Variants in REPS2 observed in about 807,000 individuals in gnomAD.
The protein encoded by REPS2 is RALBP1 associated Eps domain containing 2.
REPS2 carries 23 observed loss-of-function variants against 53.6 expected under a neutral mutation model. That is an observed-to-expected ratio of 0.43 (90% CI 0.31 to 0.61). REPS2 has a LOEUF of 0.61. REPS2 is among the 20% of genes least tolerant of loss of function. The probability of loss-of-function intolerance (pLI) is 0.11; values close to 1 mark genes in which losing one functional copy is unlikely to be tolerated. For missense variants in REPS2, 446 were observed against 534.9 expected (o/e 0.83, Z 1.64); for synonymous variants, 238 against 218.6 (o/e 1.09, Z -0.78).
intron 13 of REPS2, among the ~76,000 whole-genome samples, chrX:17,094,613 A>G (rs989552333): frequency 8.9e-5 from 10 of 111,940 alleles, no homozygotes; most frequent in Non-Finnish European, 1.9e-4. Flanking sequence ...AGATTTCCTC[A>G]GATTATTTTT....
intron 1 of REPS2, among the ~76,000 whole-genome samples, chrX:16,990,996 G>C (rs2061156175): frequency 9.0e-6 from 1 of 110,754 alleles, no homozygotes; most frequent in Non-Finnish European, 1.9e-5. Context: ...GGAGCCACGT[G>C]GGTCCATGTG....
At chrX:16,958,083 A>G (rs1482221920) in intron 1 of REPS2, among the ~76,000 whole-genome samples, 2 of 112,127 alleles carry the variant, frequency 1.8e-5, no homozygotes, top group Non-Finnish European at 3.8e-5. Flanking sequence ...CCAAGGTCAC[A>G]TAGATAAAAG....
chrX:17,189,793 A>G, the REPS2 span, among the ~76,000 whole-genome samples: 1 of 110,938 alleles, frequency 9.0e-6, no homozygotes, highest in Non-Finnish European at 1.9e-5. Flanking sequence ...TGTAGAGTAG[A>G]ATTGCATTTC....
chrX:17,157,262 G>T (rs1284319057), downstream of REPS2, among the ~76,000 whole-genome samples: 2 of 111,538 alleles, frequency 1.8e-5, no homozygotes, highest in Non-Finnish European at 3.8e-5. Flanking sequence ...GATGCAAGTT[G>T]TCCTCTTTAT....
intron 17 of REPS2, among the ~76,000 whole-genome samples, chrX:17,139,742 C>T (rs1284663788): frequency 1.8e-5 from 2 of 110,939 alleles, no homozygotes; most frequent in African/African-American, 6.6e-5. Context: ...CTTGTAGCTG[C>T]GTCACTCCAA....
At chrX:17,166,972 G>A in the REPS2 span, among the ~76,000 whole-genome samples, 4 of 112,124 alleles carry the variant, frequency 3.6e-5, no homozygotes. Flanking sequence ...GTAAATAGAG[G>A]TAGTGTCATA....
chrX:17,120,707 C>G (rs1472364654), intron 14 of REPS2, among the ~76,000 whole-genome samples: 2 of 111,775 alleles, frequency 1.8e-5, no homozygotes, highest in Non-Finnish European at 3.8e-5. Context: ...TTACCCTCAT[C>G]TGTGACCTTT....
chrX:17,170,509 G>A, the REPS2 span, among the ~76,000 whole-genome samples: 8 of 112,393 alleles, frequency 7.1e-5, no homozygotes, highest in Non-Finnish European at 1.1e-4. Flanking sequence ...AAACACATCC[G>A]AAGGTTCTTT....
Position 17,097,480 on chromosome X carries a change from T to C in REPS2, c.1517-6238T>C, listed in dbSNP as rs148564725. 4.9e-3 allele frequency among the ~76,000 whole-genome samples: 551 copies of C among 111,887 alleles called. 5 individuals are homozygous for C. The highest frequency in any genetic ancestry group is 0.016 in the African/African-American group (504 of 30,802). On this transcript the variant is annotated intron_variant, in intron 13 of 17. Coordinates refer to ENST00000357277, the MANE Select transcript of REPS2 (RefSeq NM_004726.3). ...CTTGGAAAAAATTTATAACCCTAAA[T>C]GCTTACATTAGAAAATAAAAGCTAC...
chrX:17,002,309 T>C (rs1368804445), intron 1 of REPS2, among the ~76,000 whole-genome samples: 1 of 111,384 alleles, frequency 9.0e-6, no homozygotes, highest in Non-Finnish European at 1.9e-5. Context: ...ACTCAGCACA[T>C]TGCTTTTGAT....
At chrX:17,050,145 T>C (rs6629202) in intron 6 of REPS2, among the ~76,000 whole-genome samples, 1,997 of 34,465 alleles carry the variant, frequency 0.058, 113 homozygotes, top group East Asian at 0.2. Context: ...TTTCTTCCTT[T>C]CTTTCTTTCT....
intron 1 of REPS2, among the ~76,000 whole-genome samples, chrX:16,951,000 C>T (rs931276822): frequency 2.7e-5 from 3 of 111,742 alleles, no homozygotes; most frequent in African/African-American, 9.8e-5. Flanking sequence ...GAACTATGAT[C>T]GCACCATTGC....
At chrX:17,013,624 CTGTGTGTGTGTGTGTGTGTGTGTGTG>C (rs10559340) in intron 2 of REPS2, among the ~76,000 whole-genome samples, 2 of 100,173 alleles carry the variant, frequency 2.0e-5, no homozygotes, top group African/African-American at 7.3e-5. Flanking sequence ...GTAGCTGGCT[CTGTGTGTGTGTGTGTGTGTGTGTGTG>C]TGTGTGTGTG....
intron 8 of REPS2, among the ~76,000 whole-genome samples, chrX:17,059,034 G>A (rs1172031683): frequency 5.2e-5 from 5 of 95,364 alleles, no homozygotes; most frequent in Admixed American, 1.2e-4. Context: ...TTTTTGAGAC[G>A]GAGTCTTGCT....
chrX:17,102,231 A>C (rs1009862399), intron 13 of REPS2, among the ~76,000 whole-genome samples: 2 of 110,430 alleles, frequency 1.8e-5, no homozygotes, highest in African/African-American at 6.6e-5. Flanking sequence ...ACAGGTGTGC[A>C]CTACCACGCC....
chrX:17,062,527 A>T lies in REPS2; in HGVS notation c.1204A>T (p.Met402Leu), dbSNP rs949698830. 1 of 1,186,212 alleles carries T rather than the reference A, an allele frequency of 8.4e-7. No homozygotes were observed. The highest frequency in any genetic ancestry group is 1.7e-5 in the African/African-American group (1 of 57,234). ...ANQQPRDLNR[M>L]EKTSVKDMAD... is the part of the protein sequence containing the mutation. Reference sequence around the variant, plus strand: ...TCAACAACCTCGTGACTTGAATCGGATGGAGGTAAAAGATCTTCATATGCT... The same window carrying T: ...TCAACAACCTCGTGACTTGAATCGGTTGGAGGTAAAAGATCTTCATATGCT... Residue 402 changes from methionine (M) to leucine (L), a missense_variant, in exon 9 of 18, where the codon ATG becomes TTG. Coordinates refer to ENST00000357277, the MANE Select transcript of REPS2 (RefSeq NM_004726.3).
At chrX:16,953,245 C>T (rs2060545403) in intron 1 of REPS2, among the ~76,000 whole-genome samples, 1 of 111,572 alleles carries the variant, frequency 9.0e-6, no homozygotes, top group South Asian at 3.7e-4. Context: ...GTAGGAAGTA[C>T]CAGAGCTAAA....
chrX:17,019,422 C>T (rs1050711580), intron 2 of REPS2, among the ~76,000 whole-genome samples: 3 of 111,831 alleles, frequency 2.7e-5, no homozygotes, highest in Non-Finnish European at 3.8e-5. Context: ...AGATTCTAAC[C>T]AATGACTACA....
intron 1 of REPS2, among the ~76,000 whole-genome samples, chrX:16,976,917 G>T (rs1223406116): frequency 9.0e-6 from 1 of 111,392 alleles, no homozygotes. Flanking sequence ...AATTTGAAAA[G>T]GCCTTGAAAC....
Sources: allele counts gnomAD v4.1 joint callset (sites outside exome capture counted in the v4.1 genomes callset), GRCh38; gene constraint gnomAD v4.1.1; transcripts MANE v1.5; gene names NCBI Gene and HGNC (gene_info 2026-07-23, HGNC 2026-07-21).